The following SNRPA variants were observed in gnomAD, a reference collection of about 807,000 sequenced individuals.
SNRPA encodes the protein small nuclear ribonucleoprotein polypeptide A, also known as U1 small nuclear ribonucleoprotein A.
Under a neutral mutation model 24.5 loss-of-function variants are expected in SNRPA, and 10 were observed. That is an observed-to-expected ratio of 0.41 (90% confidence interval 0.25 to 0.69). The LOEUF (loss-of-function observed/expected upper bound fraction) is 0.69, where lower values mean the gene tolerates loss of function less well. SNRPA is among the 30% of genes least tolerant of loss of function. The pLI is 0.33. For synonymous variants in SNRPA, 165 were observed against 148.4 expected (o/e 1.11, Z -0.81); for missense variants, 283 against 394.7 (o/e 0.72, Z 2.40).
In SNRPA at chr19:40,765,292, C is replaced by A; in HGVS notation, c.*125C>A. The stretch of plus-strand genomic sequence containing the variant: ...TTGGAGCCGTGTGTGAGTGAGTGGT[C>A]GCCACACAGCATTGTACCCAGAGTC... On this transcript the variant is annotated 3_prime_UTR_variant, in exon 6 of 6. Coordinates refer to ENST00000243563, the MANE Select transcript of SNRPA (RefSeq NM_004596.5). 1.9e-6 allele frequency: 1 copy of A among 519,790 alleles called. No individual in the cohort carries two copies. The highest frequency in any genetic ancestry group is 3.3e-6 in the Non-Finnish European group (1 of 305,522). 32.2% of individuals were successfully genotyped at this position (519,790 alleles called of 1,614,324 possible).
chr19:40,760,605 G>A (rs935845113), intron 3 of SNRPA, among the ~76,000 whole-genome samples: 13 of 152,286 alleles, frequency 8.5e-5, no homozygotes, highest in African/African-American at 2.9e-4. Flanking sequence ...CAAGCCAGGC[G>A]AGGAGAATAA....
In SNRPA at chr19:40,759,494, C is replaced by T. The variant is rs1216874623; in HGVS notation, c.310C>T (p.Arg104Trp). ...IAKMKGTFVE[R>W]DRKREKRKPK... Reference sequence around the variant, plus strand: ...CAAGATGAAAGGCACCTTCGTGGAGCGGGACCGCAAGCGGGAGAAGAGGAA... The same window carrying T: ...CAAGATGAAAGGCACCTTCGTGGAGTGGGACCGCAAGCGGGAGAAGAGGAA... The change falls in exon 3 of 6, where the codon CGG (arginine) becomes TGG (tryptophan). Residue 104 changes from arginine to tryptophan, a missense_variant. Around this residue, in one of 6 missense-constraint regions of SNRPA, gnomAD observed 167 missense variants for 174.3 expected, o/e 0.96. Transcript: ENST00000243563. The T allele has an allele frequency of 4.3e-6, 7 of 1,613,742 alleles. No individual in the cohort carries two copies. Among genetic ancestry groups the T allele is most frequent in the Middle Eastern group, 1.6e-4 (1 of 6,084 alleles).
intron 2 of SNRPA, among the ~76,000 whole-genome samples, 156 bp from the exon 3 acceptor site, chr19:40,759,275 C>T (rs1342310140): frequency 6.6e-6 from 1 of 151,810 alleles, no homozygotes; most frequent in Non-Finnish European, 1.5e-5. Flanking sequence ...GTCTCCACCT[C>T]CTGGCCTCAA....
chr19:40,763,112 T>C (rs752791364), intron 4 of SNRPA, 38 bp downstream of exon 4: 1 of 1,465,258 alleles, frequency 6.8e-7, no homozygotes. Flanking sequence ...CTCATATAAA[T>C]AGTGAGAATA....
In SNRPA at chr19:40,756,622, G is replaced by A. The variant is rs144298624; in HGVS notation, c.74-710G>A. ...AAAAAAAAAAAAAAAAAATTGTGGT[G>A]GAGTCTGTGCTAGGCTTGGCATACT... is the stretch of plus-strand genomic sequence containing the variant. On this transcript the variant is annotated intron_variant, in intron 1 of 5. Transcript: ENST00000243563. Among the ~76,000 whole-genome samples, 106 of 151,906 alleles carry A rather than the reference G, an allele frequency of 7.0e-4. 1 individual carries two copies. Among genetic ancestry groups the A allele is most frequent in the East Asian group, 2.1e-3 (11 of 5,174 alleles).
rs766781321 is a variant in SNRPA, at chr19:40,757,462, C to T, written c.204C>T (p.Ala68=). The T allele has an allele frequency of 1.1e-5, 18 of 1,613,792 alleles. No individual in the cohort carries two copies. In the East Asian group the frequency reaches 3.8e-4, roughly 34 times the overall value. The change falls in exon 2 of 6, where the codon GCC becomes GCT. Residue 68 remains alanine, a synonymous_variant. Coordinates refer to ENST00000243563, the MANE Select transcript of SNRPA (RefSeq NM_004596.5). ...AGGAGGTCAGCAGCGCCACCAACGCCCTGCGCTCCATGCAGGGTTTCCCTT... is the reference window on the plus strand; with the variant it reads ...AGGAGGTCAGCAGCGCCACCAACGCTCTGCGCTCCATGCAGGGTTTCCCTT... ...IFKEVSSATN[A]LRSMQGFPFY...
rs530185039 is a variant in SNRPA, at chr19:40,751,230, G to C, written c.-179G>C. ...CTCCGCACGCGGGCTGGAGAAGCGGGTCCTACGCACGCTTTGTTGTCGCGC... is the reference window on the plus strand; with the variant it reads ...CTCCGCACGCGGGCTGGAGAAGCGGCTCCTACGCACGCTTTGTTGTCGCGC... On this transcript the variant is annotated 5_prime_UTR_variant, in exon 1 of 6. Transcript: ENST00000243563. 28 of 640,458 alleles carry C rather than the reference G, an allele frequency of 4.4e-5. No homozygotes were observed. The South Asian group carries it at 4.8e-4, about 11-fold the overall frequency. The allele number at this position is 640,458 out of a possible 1,614,324, so 39.7% of individuals were successfully genotyped here. A position where few individuals can be genotyped will look rare whatever the true frequency, so the allele number is the denominator to read the frequency against.
chr19:40,756,648 G>A (rs1330821269), intron 1 of SNRPA, among the ~76,000 whole-genome samples: 1 of 151,782 alleles, frequency 6.6e-6, no homozygotes, highest in African/African-American at 2.4e-5. Context: ...TTGGCATACT[G>A]CAGTAAACAA....
chr19:40,764,929 C>A, intron 5 of SNRPA, 79 bp from the exon 6 acceptor site: 2 of 1,376,552 alleles, frequency 1.5e-6, no homozygotes, highest in Middle Eastern at 1.9e-4. Context: ...TATTTGGCAT[C>A]ATTTCTGGCC....
intron 5 of SNRPA, among the ~76,000 whole-genome samples, chr19:40,763,884 G>T (rs1398189376): frequency 6.6e-6 from 1 of 152,218 alleles, no homozygotes; most frequent in Non-Finnish European, 1.5e-5. Flanking sequence ...GGTCTCCATG[G>T]CCAGGGCTTG....
intron 2 of SNRPA, among the ~76,000 whole-genome samples, chr19:40,757,959 A>G (rs1387781412): frequency 2.0e-5 from 3 of 150,768 alleles, no homozygotes; most frequent in African/African-American, 4.9e-5. Flanking sequence ...ATAAATAAAT[A>G]AATAAATAAA....
chr19:40,751,512 C>A (rs757480816), intron 1 of SNRPA, 31 bp downstream of exon 1: 2 of 1,507,986 alleles, frequency 1.3e-6, no homozygotes, highest in Admixed American at 1.7e-5. Flanking sequence ...GGAGTCCAGA[C>A]TGTCCCGCAC....
At chr19:40,760,669 T>G (rs533939708) in intron 3 of SNRPA, among the ~76,000 whole-genome samples, 1 of 152,340 alleles carries the variant, frequency 6.6e-6, no homozygotes, top group East Asian at 1.9e-4. Context: ...CCAGGCCCAA[T>G]GGCTCATGCC....
intron 2 of SNRPA, among the ~76,000 whole-genome samples, chr19:40,757,907 A>G (rs1015160087): frequency 5.3e-5 from 8 of 151,516 alleles, no homozygotes; most frequent in Admixed American, 2.6e-4. Context: ...CTGCCACTGC[A>G]CTCCAGCCTA....
chr19:40,754,476 A>G (rs2082900032), intron 1 of SNRPA, among the ~76,000 whole-genome samples: 1 of 152,100 alleles, frequency 6.6e-6, no homozygotes, highest in South Asian at 2.1e-4. Flanking sequence ...CAGAGTGTTG[A>G]GGGCTGGGAT....
intron 5 of SNRPA, 104 bp downstream of exon 5, chr19:40,763,779 AG>A (rs2082943246): frequency 1.0e-6 from 1 of 953,198 alleles, no homozygotes; most frequent in Non-Finnish European, 1.7e-6. Flanking sequence ...TGAGCCAAGT[AG>A]GGCTTTGCAG....
In SNRPA at chr19:40,762,978, T is replaced by C. The variant is rs749807116; in HGVS notation, c.504T>C (p.Gly168=). The C allele has an allele frequency of 3.1e-6, 5 of 1,612,756 alleles. No homozygotes were observed. In the African/African-American group the frequency reaches 6.7e-5, roughly 22 times the overall value. ...AGCCGCCCTACATGCCGCCCCCTGGTATGATCCCCCCGCCAGGCCTTGCAC... is the reference window on the plus strand; with the variant it reads ...AGCCGCCCTACATGCCGCCCCCTGGCATGATCCCCCCGCCAGGCCTTGCAC... ...PGQPPYMPPP[G]MIPPPGLAPG... The change falls in exon 4 of 6, where the codon GGT becomes GGC. Residue 168 remains glycine, a synonymous_variant. Transcript: ENST00000243563.
intron 3 of SNRPA, among the ~76,000 whole-genome samples, chr19:40,762,691 C>T (rs889822215): frequency 6.6e-6 from 1 of 152,208 alleles, no homozygotes; most frequent in African/African-American, 2.4e-5. Flanking sequence ...CCTCCTACCT[C>T]AGCCTCACAA....
In SNRPA at chr19:40,755,257, CTTTTTTT is replaced by C. The variant is rs1004235207; in HGVS notation, c.74-2057_74-2051del. On this transcript the variant is annotated intron_variant, in intron 1 of 5. Coordinates refer to ENST00000243563, the MANE Select transcript of SNRPA (RefSeq NM_004596.5). ...ACGCCTAGCTAATTTTTTTTCTTTT[CTTTTTTT>C]TTTTTTTTTTTTTTTTTGGCATTTT... Among the ~76,000 whole-genome samples the C allele has an allele frequency of 0.021, 1,744 of 82,656 alleles. 89 individuals are homozygous for C. In the East Asian group the frequency reaches 0.25, roughly 12 times the overall value. 54.2% of individuals were successfully genotyped at this position (82,656 alleles called of 152,430 possible). A position where few individuals can be genotyped will look rare whatever the true frequency, so the allele number is the denominator to read the frequency against.
Sources: gnomAD v4.1 joint callset for allele counts (sites outside exome capture counted in the v4.1 genomes callset) on GRCh38, gnomAD v4.1.1 for gene constraint, gnomAD v4.1.1 regional missense constraint, MANE v1.5 for transcripts, NCBI Gene and HGNC (gene_info 2026-07-23, HGNC 2026-07-21) for gene names.